DOCK2: variants seen among roughly 807,000 people sequenced by gnomAD.
DOCK2 encodes dedicator of cytokinesis protein 2.
Under a neutral mutation model 248.9 loss-of-function variants are expected in DOCK2, and 87 were observed. The observed-to-expected ratio is 0.35, with a 90% CI of 0.29 to 0.42. The LOEUF (loss-of-function observed/expected upper bound fraction) is 0.42. DOCK2 is among the 10% of genes least tolerant of loss of function. DOCK2 has a pLI of 1.00. For synonymous variants in DOCK2, 805 were observed against 821.6 expected, an observed-to-expected ratio of 0.98 and a Z score of 0.35; for missense variants, 1,747 against 2,300.2, an observed-to-expected ratio of 0.76 and a Z score of 4.92.
chr5:169,884,069 A>G (rs1772831750), intron 27 of DOCK2: 1 of 511,446 alleles, frequency 2.0e-6, no homozygotes, highest in Non-Finnish European at 3.3e-6. Context: ...CCCAGCCTCT[A>G]GAGTCTACGT....
At chr5:170,054,980 T>C (rs1757068979) in intron 41 of DOCK2, among the ~76,000 whole-genome samples, 1 of 152,236 alleles carries the variant, frequency 6.6e-6, no homozygotes, top group African/African-American at 2.4e-5. Flanking sequence ...GAAGATGTAC[T>C]CTGCAATTGA....
chr5:170,048,400 A>G (rs1486029255), intron 40 of DOCK2, among the ~76,000 whole-genome samples: 1 of 152,218 alleles, frequency 6.6e-6, no homozygotes, highest in African/African-American at 2.4e-5. Context: ...GTCTCAAAAA[A>G]TAAATAAAAT....
At position 170,081,973 on chromosome 5, in the gene DOCK2, T is replaced by C; in HGVS notation, c.5419T>C (p.Phe1807Leu). 2 of 1,613,928 alleles carry C rather than the reference T, an allele frequency of 1.2e-6. No homozygotes were observed. Among genetic ancestry groups the C allele is most frequent in the Non-Finnish European group, 1.7e-6 (2 of 1,179,888 alleles). The change falls in exon 51 of 52, where the codon TTC (phenylalanine) becomes CTC (leucine). Residue 1807 changes from phenylalanine (F) to leucine (L), a missense_variant. Physicochemically the swap from Phe to Leu is conservative, Grantham distance 22. This residue lies in a region of DOCK2 where 513 missense variants were observed against 586.1 expected (regional missense o/e 0.88). Coordinates refer to ENST00000520908, the MANE Select transcript of DOCK2 (RefSeq NM_004946.3). ...CACACGGAAGAAGGTCAATCAGTTC[T>C]TCAAGACAATGGTGAGGACATTGAG... ...TLTRKKVNQF[F>L]KTMLASKSAE...
chr5:170,077,599 C>G (rs1757878998), intron 47 of DOCK2, 111 bp from the exon 48 acceptor site: 1 of 1,477,958 alleles, frequency 6.8e-7, no homozygotes, highest in Non-Finnish European at 9.1e-7. Flanking sequence ...TGCTGATGCT[C>G]CACTCAGCCC....
chr5:169,928,549 T>C (rs4867577), intron 27 of DOCK2, among the ~76,000 whole-genome samples: 38,753 of 152,002 alleles, frequency 0.25, 6,115 homozygotes, highest in East Asian at 0.47. Context: ...CCAAAACCAG[T>C]GAGTGACATG....
chr5:169,855,568 G>T (rs571575606), intron 27 of DOCK2, among the ~76,000 whole-genome samples: 1 of 152,314 alleles, frequency 6.6e-6, no homozygotes, highest in South Asian at 2.1e-4. Flanking sequence ...GAATGACATT[G>T]CTAGATGTGT....
intron 24 of DOCK2, among the ~76,000 whole-genome samples, chr5:169,760,103 G>A (rs1764399439): frequency 6.6e-6 from 1 of 152,130 alleles, no homozygotes; most frequent in Non-Finnish European, 1.5e-5. Flanking sequence ...TCTTTGCCTT[G>A]TAGACCCCAC....
intron 30 of DOCK2, among the ~76,000 whole-genome samples, chr5:170,001,754 C>T (rs950090453): frequency 2.0e-5 from 3 of 152,148 alleles, no homozygotes; most frequent in African/African-American, 7.2e-5. Context: ...AAAGAAGGTT[C>T]TTGCTTGCTT....
At chr5:169,656,027 G>A (rs1178859573) in intron 2 of DOCK2, among the ~76,000 whole-genome samples, 1 of 152,178 alleles carries the variant, frequency 6.6e-6, no homozygotes, top group African/African-American at 2.4e-5. Context: ...TGGAGGAGAG[G>A]GGTGGAGACG....
intron 27 of DOCK2, among the ~76,000 whole-genome samples, chr5:169,931,783 C>T (rs1036107732): frequency 6.6e-6 from 1 of 152,160 alleles, no homozygotes; most frequent in Non-Finnish European, 1.5e-5. Context: ...CCAAGTGGCC[C>T]AGAGGACAAT....
At chr5:170,056,843 G>A (rs1426550276) in intron 43 of DOCK2, 75 bp downstream of exon 43, 3 of 1,341,610 alleles carry the variant, frequency 2.2e-6, no homozygotes, top group Non-Finnish European at 3.2e-6. Flanking sequence ...GCCAGCCTCA[G>A]AATGGGAAGG....
chr5:169,973,610 A>G (rs1777605570), intron 27 of DOCK2, among the ~76,000 whole-genome samples: 1 of 152,154 alleles, frequency 6.6e-6, no homozygotes, highest in Non-Finnish European at 1.5e-5. Flanking sequence ...AGGACTTAGG[A>G]TGTGTCCAGT....
At chr5:169,726,372 ATTTG>A (rs1438419241) in intron 22 of DOCK2, among the ~76,000 whole-genome samples, 3 of 152,006 alleles carry the variant, frequency 2.0e-5, no homozygotes, top group Admixed American at 1.3e-4. Context: ...TTTCTTGTAA[ATTTG>A]TTTAAGTTCT....
At chr5:169,813,356 G>A (rs910501266) in intron 26 of DOCK2, among the ~76,000 whole-genome samples, 14 of 152,292 alleles carry the variant, frequency 9.2e-5, no homozygotes, top group Admixed American at 1.3e-4. Flanking sequence ...TTGTGTCTGT[G>A]TGGTGGAAAT....
intron 35 of DOCK2, 40 bp downstream of exon 35, chr5:170,034,595 G>A (rs1208059710): frequency 6.2e-7 from 1 of 1,609,256 alleles, no homozygotes; most frequent in Admixed American, 1.7e-5. Flanking sequence ...CCAGAACCCT[G>A]TGGGGGGGCT....
At chr5:169,726,365 C>G (rs901779893) in intron 22 of DOCK2, among the ~76,000 whole-genome samples, 1 of 151,944 alleles carries the variant, frequency 6.6e-6, no homozygotes, top group Non-Finnish European at 1.5e-5. Context: ...TTGATTTTTT[C>G]TTGTAAATTT....
chr5:169,842,511 C>G (rs892778027), intron 27 of DOCK2, among the ~76,000 whole-genome samples: 11 of 152,178 alleles, frequency 7.2e-5, no homozygotes, highest in Non-Finnish European at 1.2e-4. Flanking sequence ...GCGTGTGCCA[C>G]CATGCCCAGC....
intron 27 of DOCK2, among the ~76,000 whole-genome samples, chr5:169,951,691 C>T (rs1035706382): frequency 3.3e-5 from 5 of 152,190 alleles, no homozygotes; most frequent in African/African-American, 1.2e-4. Flanking sequence ...TAATTTTGAG[C>T]TTCTGTTATA....
intron 26 of DOCK2, among the ~76,000 whole-genome samples, chr5:169,839,726 G>C (rs898795829): frequency 6.6e-6 from 1 of 152,140 alleles, no homozygotes; most frequent in African/African-American, 2.4e-5. Context: ...GGGTAATGTG[G>C]CTTCTATTAT....
Sources: gnomAD v4.1 joint callset for allele counts (sites outside exome capture counted in the v4.1 genomes callset) on GRCh38, gnomAD v4.1.1 for gene constraint, gnomAD v4.1.1 regional missense constraint, MANE v1.5 for transcripts, NCBI Gene and HGNC (gene_info 2026-07-23, HGNC 2026-07-21) for gene names.